The following CERS4 variants were observed in gnomAD, a reference collection of about 807,000 sequenced individuals.
CERS4 encodes ceramide synthase 4, also known as LAG1 homolog, ceramide synthase 4.
In CERS4, 65 loss-of-function variants were observed where a neutral mutation model predicts 51.8. The ratio of observed to expected loss-of-function variants is 1.26; its 90% CI spans 1.03 to 1.54. The LOEUF (loss-of-function observed/expected upper bound fraction) is 1.54, where lower values mean the gene tolerates loss of function less well. Among genes scored for constraint, CERS4 ranks in the 40% most tolerant of loss-of-function variants. The pLI, the probability that CERS4 is intolerant of heterozygous loss-of-function variation, is 0.00. For synonymous variants in CERS4, 228 were observed against 208.4 expected (o/e 1.09, Z -0.81); for missense variants, 563 against 500.4 (o/e 1.13, Z -1.19).
At chr19:8,250,752 G>A in intron 2 of CERS4, 1 of 1,011,278 alleles carries the variant, frequency 9.9e-7, no homozygotes, top group Non-Finnish European at 1.2e-6. Context: ...ACTGCGCCCG[G>A]CCTACTACTC....
intron 2 of CERS4, among the ~76,000 whole-genome samples, chr19:8,228,384 A>G (rs1967872355): frequency 6.6e-6 from 1 of 152,194 alleles, no homozygotes; most frequent in South Asian, 2.1e-4. Context: ...AAAAATTTTT[A>G]AATATGTCAG....
At chr19:8,217,834 G>A (rs1396479736) in intron 2 of CERS4, among the ~76,000 whole-genome samples, 1 of 152,086 alleles carries the variant, frequency 6.6e-6, no homozygotes, top group Non-Finnish European at 1.5e-5. Context: ...ACCGCACCTG[G>A]CTAATTTTTG....
At chr19:8,228,335 C>T (rs935127281) in intron 2 of CERS4, among the ~76,000 whole-genome samples, 4 of 152,094 alleles carry the variant, frequency 2.6e-5, no homozygotes, top group African/African-American at 7.2e-5. Flanking sequence ...TAATTAAACA[C>T]GATTAATGGT....
chr19:8,257,172 G>A (rs1969435443), intron 9 of CERS4, 95 bp downstream of exon 9: 2 of 1,342,496 alleles, frequency 1.5e-6, no homozygotes, highest in Non-Finnish European at 2.0e-6. Flanking sequence ...ACCTTCCTGG[G>A]AGATGGAGCC....
At chr19:8,256,058 CA>C (rs1969363376) in intron 6 of CERS4, 177 bp from the exon 7 acceptor site, 5 of 943,860 alleles carry the variant, frequency 5.3e-6, no homozygotes, top group Non-Finnish European at 8.0e-6. Context: ...TACTATGCAC[CA>C]AAAGTTGGGG....
At chr19:8,254,193 G>A (rs913995458) in intron 3 of CERS4, among the ~76,000 whole-genome samples, 1 of 151,234 alleles carries the variant, frequency 6.6e-6, no homozygotes, top group African/African-American at 2.4e-5. Context: ...CGTAGTGGCG[G>A]GCGCCTGCAG....
At chr19:8,221,582 G>A (rs1453970472) in intron 2 of CERS4, among the ~76,000 whole-genome samples, 1 of 142,050 alleles carries the variant, frequency 7.0e-6, no homozygotes, top group Non-Finnish European at 1.5e-5. Flanking sequence ...ATCTTGCTCT[G>A]TCACCCATGC....
intron 2 of CERS4, among the ~76,000 whole-genome samples, chr19:8,227,128 A>G (rs1016323511): frequency 6.6e-6 from 1 of 152,026 alleles, no homozygotes; most frequent in African/African-American, 2.4e-5. Flanking sequence ...AACTGTCTCA[A>G]AAAAAAGAGA....
chr19:8,239,556 T>C (rs1193336817), intron 2 of CERS4: 1 of 152,246 alleles, frequency 6.6e-6, no homozygotes, highest in Non-Finnish European at 1.5e-5. Flanking sequence ...GTATGAACCC[T>C]GAGCCCACTG....
chr19:8,229,051 TGTG>T (rs1967901690), intron 2 of CERS4, among the ~76,000 whole-genome samples: 1 of 145,690 alleles, frequency 6.9e-6, no homozygotes, highest in African/African-American at 2.5e-5. Flanking sequence ...GAATGCCAGG[TGTG>T]GTGGCTCATG....
chr19:8,250,866 G>A (rs1599576208), intron 2 of CERS4: 1 of 1,390,892 alleles, frequency 7.2e-7, no homozygotes, highest in Non-Finnish European at 9.3e-7. Flanking sequence ...GAGTGGGAGT[G>A]ATGAGAATGA....
intron 2 of CERS4, among the ~76,000 whole-genome samples, chr19:8,213,582 A>G (rs1276655746): frequency 6.6e-6 from 1 of 152,146 alleles, no homozygotes. Flanking sequence ...CACTAGGATT[A>G]TAGGCATGAG....
In CERS4 at chr19:8,244,445, C is replaced by T. The variant is rs189986417; in HGVS notation, c.-1-6631C>T. ...ATGATGTACAGATCTCTTGGACTTA[C>T]TACTGCTGCTAACTGAAATGTCATA... On this transcript the variant is annotated intron_variant, in intron 2 of 11. Transcript: ENST00000251363. Among the ~76,000 whole-genome samples the T allele has an allele frequency of 4.9e-4, 75 of 152,316 alleles. 1 individual carries two copies. Among genetic ancestry groups the T allele is most frequent in the Middle Eastern group, 3.4e-3 (1 of 294 alleles).
chr19:8,216,406 G>GC (rs1047124152), intron 2 of CERS4, among the ~76,000 whole-genome samples: 1 of 149,032 alleles, frequency 6.7e-6, no homozygotes, highest in Non-Finnish European at 1.5e-5. Flanking sequence ...GAAAATTACA[G>GC]CCCCCACTGC....
At chr19:8,256,153 G>A in intron 6 of CERS4, 83 bp from the exon 7 acceptor site, 3 of 1,410,740 alleles carry the variant, frequency 2.1e-6, no homozygotes, top group Non-Finnish European at 2.9e-6. Context: ...TGTGACTGTG[G>A]AAGGAGAACC....
At chr19:8,260,211 T>C (rs995129710) in intron 10 of CERS4, among the ~76,000 whole-genome samples, 1 of 151,888 alleles carries the variant, frequency 6.6e-6, no homozygotes, top group African/African-American at 2.4e-5. Flanking sequence ...CCAGTACTTT[T>C]TGAGATGGAG....
chr19:8,211,035 C>T (rs1040829328), intron 2 of CERS4, among the ~76,000 whole-genome samples, 173 bp downstream of exon 2: 7 of 151,954 alleles, frequency 4.6e-5, no homozygotes, highest in Non-Finnish European at 8.8e-5. Context: ...AGGCAGATCT[C>T]GGTGGCAGCC....
chr19:8,230,438 A>G (rs1568508411), intron 2 of CERS4, among the ~76,000 whole-genome samples: 1 of 151,918 alleles, frequency 6.6e-6, no homozygotes, highest in African/African-American at 2.4e-5. Flanking sequence ...GATCCGCCCA[A>G]TTCAGCCTCC....
chr19:8,228,178 C>T (rs11882928), intron 2 of CERS4, among the ~76,000 whole-genome samples: 1,871 of 152,110 alleles, frequency 0.012, 35 homozygotes, highest in African/African-American at 0.043. Context: ...ACGATCCGTC[C>T]GCCTCGGCCT....
Sources: allele counts gnomAD v4.1 joint callset (sites outside exome capture counted in the v4.1 genomes callset), GRCh38; gene constraint gnomAD v4.1.1; transcripts MANE v1.5; gene names NCBI Gene and HGNC (gene_info 2026-07-23, HGNC 2026-07-21).